Variants in C4orf50 observed in about 807,000 individuals in gnomAD.
C4orf50 encodes the protein chromosome 4 open reading frame 50.
Under a neutral mutation model 77.2 loss-of-function variants are expected in C4orf50, and 80 were observed. The ratio of observed to expected loss-of-function variants is 1.04; its 90% confidence interval spans 0.87 to 1.25. The LOEUF is 1.25. Among genes scored for constraint, C4orf50 ranks in the 50% most tolerant of loss-of-function variants. The probability of loss-of-function intolerance (pLI) is 0.00; values close to 1 mark genes in which losing one functional copy is unlikely to be tolerated. For missense variants in C4orf50, 1,257 were observed against 1,152.9 expected (o/e 1.09, Z -1.31); for synonymous variants, 532 against 465.3 (o/e 1.14, Z -1.84).
intron 23 of C4orf50, among the ~76,000 whole-genome samples, chr4:6,014,664 A>G (rs1722614448): frequency 6.6e-6 from 1 of 152,322 alleles, no homozygotes; most frequent in Admixed American, 6.5e-5. Context: ...AGCTTTTAGC[A>G]GCCCTGGATC....
rs757726191 is a variant in C4orf50, at chr4:6,008,884, T to A, written c.427-352A>T. ...GATACTGAATACGTCCGCACCTGAG[T>A]GCACACAGCTGCTCCAGAGCCTCCC... On this transcript the variant is annotated intron_variant, in intron 24 of 33. Coordinates refer to ENST00000531445, the Ensembl canonical transcript of C4orf50. This position sits in a 1 kb window ranked among gnomAD's most constrained non-coding sequence, Gnocchi z 6.0. 6.6e-6 allele frequency among the ~76,000 whole-genome samples: 1 copy of A among 152,038 alleles called. No homozygotes were observed. The highest frequency in any genetic ancestry group is 2.4e-5 in the African/African-American group (1 of 41,398).
chr4:5,957,397 A>G (rs1447972636), exon 34 of C4orf50: 1 of 152,198 alleles, frequency 6.6e-6, no homozygotes. Flanking sequence ...CTGATGCTCA[A>G]AGCTAATGAC....
rs1291600151 is a variant in C4orf50 at position 6,017,651 on chromosome 4, A to G, written c.287+494T>C. 1.3e-5 allele frequency among the ~76,000 whole-genome samples: 2 copies of G among 152,000 alleles called. No individual in the cohort carries two copies. Among genetic ancestry groups the G allele is most frequent in the Non-Finnish European group, 2.9e-5 (2 of 67,982 alleles). ...CCAGGATATAAGCCCTGGGTTGGGG[A>G]TGGAAGGTTTGCTGTGTGGACATCT... On this transcript the variant is annotated intron_variant, in intron 23 of 33. Coordinates refer to ENST00000531445, the Ensembl canonical transcript of C4orf50. This position sits in a 1 kb window ranked among gnomAD's most constrained non-coding sequence, Gnocchi z 4.7.
intron 7 of C4orf50, among the ~76,000 whole-genome samples, chr4:5,936,694 A>C (rs1718035760): frequency 6.6e-6 from 1 of 152,114 alleles, no homozygotes; most frequent in African/African-American, 2.4e-5. Flanking sequence ...AGAAAAGACA[A>C]GGGGTTGAAG....
chr4:5,989,221 T>C, exon 28 of C4orf50: 1 of 1,536,040 alleles, frequency 6.5e-7, no homozygotes, highest in Non-Finnish European at 8.7e-7. Flanking sequence ...GGTGTTGTCA[T>C]GTAAAATCTG....
At chr4:5,946,433 CGTAA>C (rs34625408) in intron 7 of C4orf50, among the ~76,000 whole-genome samples, 34,785 of 152,094 alleles carry the variant, frequency 0.23, 4,907 homozygotes, top group Admixed American at 0.37. Context: ...AAGAATAAAT[CGTAA>C]GTGTTAGAAA....
chr4:5,953,766 C>T (rs1044271055), downstream of C4orf50, among the ~76,000 whole-genome samples: 1 of 152,178 alleles, frequency 6.6e-6, no homozygotes, highest in African/African-American at 2.4e-5. Context: ...GACTCAGCAC[C>T]ACTAGATCTG....
chr4:5,980,779 CCAAT>C (rs1720544149), intron 28 of C4orf50, among the ~76,000 whole-genome samples: 2 of 152,128 alleles, frequency 1.3e-5, no homozygotes, highest in South Asian at 4.1e-4. Flanking sequence ...ATTGAATGTT[CCAAT>C]CAAATTATGA....
intron 7 of C4orf50, among the ~76,000 whole-genome samples, chr4:5,920,993 A>C (rs1174025301): frequency 6.6e-6 from 1 of 152,192 alleles, no homozygotes; most frequent in African/African-American, 2.4e-5. Context: ...AGTCACCCTC[A>C]TGCTGAAGAA....
At chr4:5,922,336 C>A (rs1717314178) in intron 7 of C4orf50, among the ~76,000 whole-genome samples, 2 of 152,214 alleles carry the variant, frequency 1.3e-5, no homozygotes, top group Admixed American at 1.3e-4. Flanking sequence ...ACCTTAAGTC[C>A]GTGTTTCCTA....
intron 28 of C4orf50, among the ~76,000 whole-genome samples, chr4:5,983,723 T>C (rs1304044792): frequency 6.6e-6 from 1 of 152,190 alleles, no homozygotes; most frequent in Non-Finnish European, 1.5e-5. Flanking sequence ...AACAATGGTC[T>C]CGAAAATAGA....
intron 7 of C4orf50, among the ~76,000 whole-genome samples, chr4:5,913,637 G>A (rs571149466): frequency 1.3e-5 from 2 of 152,300 alleles, no homozygotes; most frequent in African/African-American, 4.8e-5. Context: ...GATTCGTTCA[G>A]GAGTCAGGGT....
intron 7 of C4orf50, among the ~76,000 whole-genome samples, chr4:5,938,009 A>T (rs1428231085): frequency 6.6e-6 from 1 of 152,238 alleles, no homozygotes; most frequent in Non-Finnish European, 1.5e-5. Context: ...TTGACAGATC[A>T]AGCAAACAAA....
chr4:5,923,067 G>A (rs12506399), intron 7 of C4orf50, among the ~76,000 whole-genome samples: 55,291 of 152,110 alleles, frequency 0.36, 11,618 homozygotes, highest in East Asian at 0.77. Flanking sequence ...GGGACACAGA[G>A]TGAACTTTCC....
chr4:5,901,751 G>A lies in C4orf50; in HGVS notation c.*2475-3563C>T, dbSNP rs1369119692. Reference sequence around the variant, plus strand: ...CCCAGGGACCCTGGAAATGACTGAGGGGATAACCGAAGCAGCACAGGCTGG... The same window carrying A: ...CCCAGGGACCCTGGAAATGACTGAGAGGATAACCGAAGCAGCACAGGCTGG... On this transcript the variant is annotated intron_variant, in intron 7 of 7. Coordinates refer to the C4orf50 transcript ENST00000324058. This position sits in a 1 kb window ranked among gnomAD's most constrained non-coding sequence, Gnocchi z 4.4. The A allele has an allele frequency of 1.3e-5, 2 of 152,334 alleles. No individual in the cohort carries two copies. Among genetic ancestry groups the A allele is most frequent in the African/African-American group, 4.8e-5 (2 of 41,450 alleles). 9.4% of individuals were successfully genotyped at this position (152,334 alleles called of 1,614,324 possible). A position where few individuals can be genotyped will look rare whatever the true frequency, so the allele number is the denominator to read the frequency against.
downstream of C4orf50, among the ~76,000 whole-genome samples, chr4:5,954,514 T>C (rs1718864564): frequency 6.6e-6 from 1 of 151,696 alleles, no homozygotes; most frequent in Non-Finnish European, 1.5e-5. The surrounding 1 kb of genome is among the most constrained non-coding windows in gnomAD (Gnocchi z 4.7). Flanking sequence ...GGAGAAAAGA[T>C]GGACTGGGAG....
chr4:6,014,134 C>T (rs1722596974), intron 23 of C4orf50, among the ~76,000 whole-genome samples: 1 of 151,912 alleles, frequency 6.6e-6, no homozygotes, highest in East Asian at 1.9e-4. Flanking sequence ...TCCCGAGTAG[C>T]TGGGATTACA....
At chr4:6,004,124 A>ATGGTGATGATG (rs1560598557) in intron 25 of C4orf50, among the ~76,000 whole-genome samples, 6 of 19,740 alleles carry the variant, frequency 3.0e-4, no homozygotes, top group Non-Finnish European at 4.5e-4. Context: ...TGATGGTGAT[A>ATGGTGATGATG]GTGATGATGG....
At chr4:5,952,183 C>T (rs545502306), downstream of C4orf50, among the ~76,000 whole-genome samples, 56 of 152,112 alleles carry the variant, frequency 3.7e-4, no homozygotes, top group Non-Finnish European at 6.9e-4. The surrounding 1 kb of genome is among the most constrained non-coding windows in gnomAD (Gnocchi z 4.4). Flanking sequence ...TAAGAGGCAG[C>T]TGGATCCCGG....
Sources: allele counts gnomAD v4.1 joint callset (sites outside exome capture counted in the v4.1 genomes callset), GRCh38; gene constraint gnomAD v4.1.1; non-coding constraint Gnocchi (gnomAD v3.1); transcripts MANE v1.5; gene names NCBI Gene and HGNC (gene_info 2026-07-23, HGNC 2026-07-21).